RASA2: variants seen among roughly 807,000 people sequenced by gnomAD.
RASA2 encodes RAS p21 protein activator 2.
A neutral mutation model predicts 118.2 loss-of-function variants in RASA2; 155 were observed. The ratio of observed to expected loss-of-function variants is 1.31; its 90% CI spans 1.15 to 1.50. The LOEUF is 1.50. Among genes scored for constraint, RASA2 ranks in the 40% most tolerant of loss-of-function variants. RASA2 has a pLI of 0.00. For missense variants in RASA2, 1,016 were observed against 1,009.6 expected (o/e 1.01, Z -0.09); for synonymous variants, 353 against 349.1 (o/e 1.01, Z -0.12).
intron 6 of RASA2, 76 bp downstream of exon 6, chr3:141,554,016 G>A (rs1200905259): frequency 9.2e-6 from 14 of 1,518,352 alleles, no homozygotes; most frequent in African/African-American, 5.7e-5. Context: ...AAGATTCTAC[G>A]AGCAAATGAT....
chr3:141,583,156 G>T (rs1384388846), intron 17 of RASA2, among the ~76,000 whole-genome samples: 1 of 152,146 alleles, frequency 6.6e-6, no homozygotes, highest in Non-Finnish European at 1.5e-5. Flanking sequence ...GGGTGCAGTG[G>T]CTCATGCCTG....
intron 9 of RASA2, among the ~76,000 whole-genome samples, chr3:141,569,558 C>A (rs1341703140): frequency 6.6e-6 from 1 of 151,980 alleles, no homozygotes; most frequent in African/African-American, 2.4e-5. Context: ...TGCTGAGTAT[C>A]CCCCCAAAAA....
intron 1 of RASA2, among the ~76,000 whole-genome samples, chr3:141,495,567 C>A (rs2081690771): frequency 6.6e-6 from 1 of 152,116 alleles, no homozygotes; most frequent in Non-Finnish European, 1.5e-5. Context: ...AAGTTTATCT[C>A]AGTCTTTGGT....
intron 2 of RASA2, among the ~76,000 whole-genome samples, chr3:141,516,043 G>A (rs1026209332): frequency 1.9e-4 from 25 of 128,966 alleles, no homozygotes; most frequent in African/African-American, 7.4e-4. Flanking sequence ...ACACACTGGG[G>A]CCTGTTGTGG....
chr3:141,492,696 C>G (rs1157027505), intron 1 of RASA2, among the ~76,000 whole-genome samples: 1 of 152,178 alleles, frequency 6.6e-6, no homozygotes, highest in Non-Finnish European at 1.5e-5. Context: ...GGCAGTACAT[C>G]AGATGCTTTA....
chr3:141,491,715 G>T (rs2081641707), intron 1 of RASA2, among the ~76,000 whole-genome samples: 1 of 152,166 alleles, frequency 6.6e-6, no homozygotes, highest in Non-Finnish European at 1.5e-5. Flanking sequence ...TGCCAAAGTT[G>T]CCTTGTTAGG....
Position 141,559,939 on chromosome 3 carries a change from A to T in RASA2, c.807A>T (p.Leu269=), listed in dbSNP as rs757160095. 4.0e-5 allele frequency: 65 copies of T among 1,613,208 alleles called. No individual in the cohort carries two copies. The highest frequency in any genetic ancestry group is 2.0e-4 in the Admixed American group (12 of 59,978). The change falls in exon 9 of 24, where the codon CTA becomes CTT. Residue 269 remains leucine, a synonymous_variant. Coordinates refer to ENST00000286364, the MANE Select transcript of RASA2 (RefSeq NM_006506.5). ...GAAACCTAGTCCAAGATGTTTTCCT[A>T]GGTGAGATTAAGGTTCCTGTGAACG... is the stretch of plus-strand genomic sequence containing the variant. ...NNGNLVQDVF[L]GEIKVPVNVL...
intron 19 of RASA2, among the ~76,000 whole-genome samples, chr3:141,599,365 T>C (rs1325665141): frequency 2.0e-5 from 3 of 150,208 alleles, no homozygotes; most frequent in Non-Finnish European, 4.4e-5. Context: ...CAACACACAA[T>C]AGTGTTCCAA....
chr3:141,609,758 G>A lies in RASA2; in HGVS notation c.2330-119G>A, dbSNP rs539458643. On this transcript the variant is annotated intron_variant, in intron 22 of 23. Coordinates refer to ENST00000286364, the MANE Select transcript of RASA2 (RefSeq NM_006506.5). ...AAAATGTATATATTTTAGTTATCTC[G>A]GCTCTGCCAAGGGAAATCCCCTCAG... The A allele has an allele frequency of 1.2e-4, 112 of 957,484 alleles. 1 individual carries two copies. The African/African-American group carries it at 1.5e-3, about 13-fold the overall frequency. The allele number at this position is 957,484 out of a possible 1,614,324, so 59.3% of individuals were successfully genotyped here.
At chr3:141,573,887 G>A (rs1200653702) in intron 13 of RASA2, 57 bp from the exon 14 acceptor site, 4 of 1,412,324 alleles carry the variant, frequency 2.8e-6, no homozygotes, top group Non-Finnish European at 3.8e-6. Flanking sequence ...TTTCATGAAG[G>A]CTATTGAAGA....
At chr3:141,550,992 T>A (rs2082566258) in intron 5 of RASA2, among the ~76,000 whole-genome samples, 2 of 152,274 alleles carry the variant, frequency 1.3e-5, no homozygotes, top group South Asian at 4.1e-4. Flanking sequence ...ATGGATCATA[T>A]GGAATATAAT....
chr3:141,528,340 C>T (rs1484160179), intron 3 of RASA2, among the ~76,000 whole-genome samples: 1 of 151,814 alleles, frequency 6.6e-6, no homozygotes, highest in African/African-American at 2.4e-5. Flanking sequence ...AGATGTAATT[C>T]ACATACCATT....
At chr3:141,573,713 A>C (rs1365921750) in intron 13 of RASA2, among the ~76,000 whole-genome samples, 2 of 152,178 alleles carry the variant, frequency 1.3e-5, no homozygotes, top group Non-Finnish European at 2.9e-5. Flanking sequence ...TGTGAGGTTT[A>C]TTCATAGATT....
chr3:141,590,291 T>G (rs1184600374), intron 19 of RASA2: 1 of 390,786 alleles, frequency 2.6e-6, no homozygotes, highest in East Asian at 7.4e-5. Context: ...GCTAAATGCC[T>G]TGGACTGCTG....
intron 19 of RASA2, among the ~76,000 whole-genome samples, chr3:141,597,069 G>A (rs987958217): frequency 6.6e-6 from 1 of 152,048 alleles, no homozygotes; most frequent in East Asian, 1.9e-4. Flanking sequence ...CTGGTGAATG[G>A]GTAAATAAAA....
chr3:141,556,562 T>G (rs2082652900), intron 7 of RASA2, among the ~76,000 whole-genome samples: 1 of 152,150 alleles, frequency 6.6e-6, no homozygotes, highest in African/African-American at 2.4e-5. Flanking sequence ...AAATACAGTT[T>G]GGACAAAAGC....
At chr3:141,492,682 T>TTAA (rs1412732251) in intron 1 of RASA2, among the ~76,000 whole-genome samples, 1 of 152,260 alleles carries the variant, frequency 6.6e-6, no homozygotes, top group African/African-American at 2.4e-5. Context: ...ACCATTTGCT[T>TTAA]TAAGGCAGTA....
In RASA2 at chr3:141,587,367, C is replaced by T. The variant is rs921040925; in HGVS notation, c.1933+615C>T. Among the ~76,000 whole-genome samples, 9 of 152,250 alleles carry T rather than the reference C, an allele frequency of 5.9e-5. No individual in the cohort carries two copies. The South Asian group carries it at 1.4e-3, about 24-fold the overall frequency. On this transcript the variant is annotated intron_variant, in intron 19 of 23. Transcript: ENST00000286364. ...GAGGCAAAGCTTATCCTTCAGTAGA[C>T]TGACACAGTCCTTTAAATAAACTAC...
Position 141,573,959 on chromosome 3 carries a change from T to G in RASA2, c.1375T>G (p.Tyr459Asp). The G allele has an allele frequency of 6.3e-7, 1 of 1,586,536 alleles. No homozygotes were observed. The highest frequency in any genetic ancestry group is 8.6e-7 in the Non-Finnish European group (1 of 1,163,758). Residue 459 changes from tyrosine to aspartate, a missense_variant, in exon 14 of 24, where the codon TAT becomes GAT. Physicochemically the swap from Tyr to Asp is radical, Grantham distance 160. Around this residue, in one of 2 missense-constraint regions of RASA2, gnomAD observed 896 missense variants for 836.4 expected, o/e 1.07. Coordinates refer to ENST00000286364, the MANE Select transcript of RASA2 (RefSeq NM_006506.5). ...VENNKENLRY[Y>D]VDKLFNTIVK... ...AATCCTGCAGGAGAATCTGCGCTAC[T>G]ATGTAGACAAGTTATTCAATACAAT...
Sources: allele counts gnomAD v4.1 joint callset (sites outside exome capture counted in the v4.1 genomes callset), GRCh38; gene constraint gnomAD v4.1.1; regional missense constraint gnomAD v4.1.1; transcripts MANE v1.5; gene names NCBI Gene and HGNC (gene_info 2026-07-23, HGNC 2026-07-21).